INAVA: variants seen among roughly 807,000 people sequenced by gnomAD.
The protein encoded by INAVA is innate immunity activator, also known as innate immunity activator protein.
A neutral mutation model predicts 55.3 loss-of-function variants in INAVA; 32 were observed. The observed-to-expected ratio is 0.58, with a 90% CI of 0.44 to 0.78. The LOEUF (loss-of-function observed/expected upper bound fraction) is 0.78. INAVA is among the 30% of genes least tolerant of loss of function. INAVA has a pLI of 0.00. For missense variants in INAVA, 756 were observed against 786.4 expected (o/e 0.96, Z 0.46); for synonymous variants, 294 against 329.4 (o/e 0.89, Z 1.16).
chr1:200,907,354 A>C (rs1388722647), intron 5 of INAVA, among the ~76,000 whole-genome samples: 1 of 151,922 alleles, frequency 6.6e-6, no homozygotes, highest in South Asian at 2.1e-4. Flanking sequence ...TTCTACTTCC[A>C]TGTAGTAAGT....
At chr1:200,891,694 T>A (rs1468093321), upstream of INAVA, 2 of 1,474,310 alleles carry the variant, frequency 1.4e-6, no homozygotes, top group Non-Finnish European at 1.8e-6. Flanking sequence ...CAGAGCTCCA[T>A]GGGACAGGTA....
intron 3 of INAVA, 140 bp from the exon 4 acceptor site, chr1:200,899,964 A>G: frequency 1.5e-6 from 1 of 685,944 alleles, no homozygotes; most frequent in South Asian, 1.8e-5. Context: ...CAGGAGAGAC[A>G]GTGTGGAGGA....
In INAVA at chr1:200,913,884, C is replaced by A. The variant is rs1157531612; in HGVS notation, c.*255C>A. The A allele has an allele frequency of 4.4e-6, 2 of 455,386 alleles. No homozygotes were observed. Among genetic ancestry groups the A allele is most frequent in the Non-Finnish European group, 7.8e-6 (2 of 255,636 alleles). 28.2% of individuals were successfully genotyped at this position (455,386 alleles called of 1,614,324 possible). ...AGAGTTTGGCCTACTGGACTTAAGGCCTTGCCTGTCTGACTGACAGCCTCT... is the reference window on the plus strand; with the variant it reads ...AGAGTTTGGCCTACTGGACTTAAGGACTTGCCTGTCTGACTGACAGCCTCT... On this transcript the variant is annotated 3_prime_UTR_variant, in exon 10 of 10. Coordinates refer to ENST00000413687, the MANE Select transcript of INAVA (RefSeq NM_001142569.3).
In INAVA at chr1:200,900,487, G is replaced by A. The variant is rs1653197390; in HGVS notation, c.297+267G>A. 2.0e-5 allele frequency among the ~76,000 whole-genome samples: 3 copies of A among 152,222 alleles called. No individual in the cohort carries two copies. In the South Asian group the frequency reaches 6.2e-4, roughly 31 times the overall value. ...GGCAGAAGATCAGTTAAGAGCACCA[G>A]CCACCAACCCAGCGGGCAATAGCCT... On this transcript the variant is annotated intron_variant, in intron 4 of 9. Transcript: ENST00000413687.
chr1:200,903,903 T>C (rs1351945211), intron 5 of INAVA, among the ~76,000 whole-genome samples: 2 of 151,966 alleles, frequency 1.3e-5, no homozygotes, highest in Non-Finnish European at 2.9e-5. Context: ...TAATTTAGTT[T>C]GGGAAAGTAA....
intron 6 of INAVA, 93 bp from the exon 7 acceptor site, chr1:200,908,637 A>G: frequency 9.4e-7 from 1 of 1,060,126 alleles, no homozygotes; most frequent in Non-Finnish European, 1.4e-6. Flanking sequence ...CATGGGAGGG[A>G]GAGCGGCGAG....
chr1:200,897,025 C>A (rs892340398), intron 1 of INAVA, among the ~76,000 whole-genome samples: 2 of 152,236 alleles, frequency 1.3e-5, no homozygotes, highest in Non-Finnish European at 2.9e-5. Flanking sequence ...CTGCTGCAGC[C>A]AGCAGCTGCC....
At chr1:200,908,171 C>T (rs1653570840) in intron 6 of INAVA, 2 of 343,254 alleles carry the variant, frequency 5.8e-6, no homozygotes, top group South Asian at 1.2e-4. Flanking sequence ...CCCTCCTTCA[C>T]CCTTGGGTGT....
Position 200,912,100 on chromosome 1 carries a change from G to T in INAVA, c.1607G>T (p.Arg536Ile). 4 of 1,549,430 alleles carry T rather than the reference G, an allele frequency of 2.6e-6. No homozygotes were observed. The highest frequency in any genetic ancestry group is 1.4e-5 in the African/African-American group (1 of 73,184). ...AFRVRSLPLG[R>I]EGFGRALGPR... is the part of the protein sequence containing the mutation. ...CGGGTCAGGAGCCTGCCCCTTGGGAGAGAGGGCTTCGGACGAGCCCTGGGA... is the reference window on the plus strand; with the variant it reads ...CGGGTCAGGAGCCTGCCCCTTGGGATAGAGGGCTTCGGACGAGCCCTGGGA... The change falls in exon 9 of 10, where the codon AGA (arginine) becomes ATA (isoleucine). Residue 536 changes from arginine (R) to isoleucine (I), a missense_variant. By Grantham distance (97) the Arg-to-Ile change is moderately conservative. Around this residue, in one of 2 missense-constraint regions of INAVA, gnomAD observed 117 missense variants for 162.1 expected, o/e 0.72. Transcript: ENST00000413687.
chr1:200,898,259 A>G (rs983402227), intron 1 of INAVA, 48 bp from the exon 2 acceptor site: 5 of 1,583,882 alleles, frequency 3.2e-6, no homozygotes, highest in Middle Eastern at 2.0e-4. Context: ...TGTAACCAAG[A>G]TGGTTCATAT....
At chr1:200,901,555 C>T (rs1437720724) in intron 5 of INAVA, among the ~76,000 whole-genome samples, 3 of 152,212 alleles carry the variant, frequency 2.0e-5, no homozygotes, top group Non-Finnish European at 4.4e-5. Flanking sequence ...GTGAGGCTCC[C>T]GTGAGCCCAA....
At chr1:200,911,420 C>A in intron 8 of INAVA, 33 bp from the exon 9 acceptor site, 1 of 1,580,900 alleles carries the variant, frequency 6.3e-7, no homozygotes, top group East Asian at 2.2e-5. Context: ...TTTCTGCCCC[C>A]CACACTCAGA....
At position 200,895,098 on chromosome 1, in the gene INAVA, G is replaced by A. The variant is rs1327087935; in HGVS notation, c.-95+11G>A. The A allele has an allele frequency of 2.0e-6, 2 of 985,706 alleles. No homozygotes were observed. The highest frequency in any genetic ancestry group is 1.1e-4 in the East Asian group (1 of 8,814). 61.1% of individuals were successfully genotyped at this position (985,706 alleles called of 1,614,324 possible). A position where few individuals can be genotyped will look rare whatever the true frequency, so the allele number is the denominator to read the frequency against. ...AAAGCCCAGAAGCAGGTGAGGGCGG[G>A]GGAGGTGGAATGGGTCTTTGGGGCT... On this transcript the variant is annotated intron_variant, in intron 1 of 9. Coordinates refer to ENST00000413687, the MANE Select transcript of INAVA (RefSeq NM_001142569.3).
At chr1:200,898,492 A>G (rs1264853508) in intron 2 of INAVA, 37 bp downstream of exon 2, 11 of 1,607,774 alleles carry the variant, frequency 6.8e-6, no homozygotes, top group South Asian at 1.1e-5. Context: ...CCTAGTCCCT[A>G]GTCCCTGGTC....
rs1653597921 is a variant in INAVA, at chr1:200,908,811, T to C, written c.656T>C (p.Leu219Pro). The change falls in exon 7 of 10, where the codon CTG becomes CCG. Residue 219 changes from leucine to proline, a missense_variant. Coordinates refer to ENST00000413687, the MANE Select transcript of INAVA (RefSeq NM_001142569.3). ...CTCCCACCCCAAACCCTTGAGGGTC[T>C]GCAGCCAACAGGACCTGAGGCTGGG... The part of the protein sequence containing the change: ...RPLPPQTLEG[L>P]QPTGPEAGSP... The C allele has an allele frequency of 6.2e-7, 1 of 1,613,748 alleles. No homozygotes were observed. Among genetic ancestry groups the C allele is most frequent in the African/African-American group, 1.3e-5 (1 of 74,902 alleles).
upstream of INAVA, among the ~76,000 whole-genome samples, chr1:200,894,642 C>T (rs998489036): frequency 6.6e-6 from 1 of 152,140 alleles, no homozygotes; most frequent in Non-Finnish European, 1.5e-5. Context: ...GACAGGAGGG[C>T]ACGCAGGTAC....
chr1:200,893,784 G>T (rs1668281672), upstream of INAVA, among the ~76,000 whole-genome samples: 1 of 152,152 alleles, frequency 6.6e-6, no homozygotes, highest in African/African-American at 2.4e-5. Flanking sequence ...AGCCCCATGA[G>T]TTCCGCTCCA....
chr1:200,910,994 C>T (rs184625586), intron 8 of INAVA, among the ~76,000 whole-genome samples: 55 of 151,860 alleles, frequency 3.6e-4, no homozygotes, highest in African/African-American at 5.8e-4. Flanking sequence ...CCACTGGACA[C>T]GGTGTACCTA....
chr1:200,891,810 G>A (rs1668244217), upstream of INAVA: 1 of 711,296 alleles, frequency 1.4e-6, no homozygotes, highest in Non-Finnish European at 2.1e-6. Flanking sequence ...CAGGGAATGG[G>A]GTAATTTTTT....
Sources: gnomAD v4.1 joint callset for allele counts (sites outside exome capture counted in the v4.1 genomes callset) on GRCh38, gnomAD v4.1.1 for gene constraint, gnomAD v4.1.1 regional missense constraint, MANE v1.5 for transcripts, NCBI Gene and HGNC (gene_info 2026-07-23, HGNC 2026-07-21) for gene names.